The following EBF1 variants were observed in gnomAD, a reference collection of about 807,000 sequenced individuals.
The protein encoded by EBF1 is EBF transcription factor 1, also known as transcription factor COE1.
In EBF1, 10 loss-of-function variants were observed where a neutral mutation model predicts 68.4. The observed-to-expected ratio is 0.15, with a 90% CI of 0.09 to 0.25. The LOEUF is 0.25. EBF1 is among the 10% of genes least tolerant of loss of function. The pLI is 1.00. For synonymous variants in EBF1, 298 were observed against 299.8 expected (o/e 0.99, Z 0.06); for missense variants, 509 against 794.4 (o/e 0.64, Z 4.32).
chr5:158,895,455 A>G (rs1801987105), intron 6 of EBF1, among the ~76,000 whole-genome samples: 2 of 152,220 alleles, frequency 1.3e-5, no homozygotes, highest in Non-Finnish European at 2.9e-5. Context: ...ACATTTACAG[A>G]GTACTTACTA....
chr5:158,964,748 C>T (rs1260318096), intron 6 of EBF1, among the ~76,000 whole-genome samples: 1 of 152,132 alleles, frequency 6.6e-6, no homozygotes, highest in Non-Finnish European at 1.5e-5. Context: ...GGTAGAGGCC[C>T]ACGTATAACC....
At chr5:158,700,511 TAAA>T (rs76186329) in intron 15 of EBF1, among the ~76,000 whole-genome samples, 2 of 131,544 alleles carry the variant, frequency 1.5e-5, no homozygotes, top group African/African-American at 2.8e-5. Flanking sequence ...AATGTGCCTT[TAAA>T]AAAAAAAAAA....
intron 6 of EBF1, among the ~76,000 whole-genome samples, chr5:158,984,086 A>G (rs1343984127): frequency 6.6e-6 from 1 of 152,196 alleles, no homozygotes; most frequent in African/African-American, 2.4e-5. Context: ...CATACCTGGA[A>G]TCTCAAAAGA....
intron 15 of EBF1, among the ~76,000 whole-genome samples, chr5:158,701,372 A>G (rs1173727042): frequency 4.6e-5 from 7 of 152,192 alleles, no homozygotes; most frequent in Admixed American, 2.0e-4. Flanking sequence ...AAAAAAAAAA[A>G]AAAAATCTAA....
chr5:158,767,909 G>A (rs554146080), intron 10 of EBF1, among the ~76,000 whole-genome samples: 2 of 152,192 alleles, frequency 1.3e-5, no homozygotes, highest in African/African-American at 4.8e-5. Flanking sequence ...TTCAGATATC[G>A]TTAGGGTTTT....
At chr5:158,823,090 T>C (rs1582230963) in intron 8 of EBF1, 86 bp downstream of exon 8, 3 of 1,577,004 alleles carry the variant, frequency 1.9e-6, no homozygotes, top group Non-Finnish European at 2.6e-6. Context: ...TGAAACAGAA[T>C]AGAACATGTG....
At chr5:158,796,260 C>G in intron 9 of EBF1, 85 bp downstream of exon 9, 1 of 1,423,610 alleles carries the variant, frequency 7.0e-7, no homozygotes, top group Non-Finnish European at 9.3e-7. Context: ...CCACTAGAGT[C>G]TACACATTCT....
At chr5:159,027,820 G>C (rs1336918519) in intron 6 of EBF1, among the ~76,000 whole-genome samples, 1 of 152,142 alleles carries the variant, frequency 6.6e-6, no homozygotes, top group Non-Finnish European at 1.5e-5. Flanking sequence ...AGCAGGGTAG[G>C]CCACAGCTGA....
rs1810166883 is a variant in EBF1 at position 158,928,511 on chromosome 5, A to C, written c.555-88401T>G. On this transcript the variant is annotated intron_variant, in intron 6 of 15. Coordinates refer to ENST00000313708, the MANE Select transcript of EBF1 (RefSeq NM_024007.5). Reference sequence around the variant, plus strand: ...CTGCAATTACATCAAAATCACATTAATTGAGCTATAACACTGTCAGGCTTA... The same window carrying C: ...CTGCAATTACATCAAAATCACATTACTTGAGCTATAACACTGTCAGGCTTA... Among the ~76,000 whole-genome samples the C allele has an allele frequency of 2.0e-5, 3 of 152,230 alleles. No homozygotes were observed. In the South Asian group the frequency reaches 6.2e-4, roughly 31 times the overall value.
At position 158,698,298 on chromosome 5, in the gene EBF1, G is replaced by A. The variant is rs571011348; in HGVS notation, c.*813C>T. Reference sequence around the variant, plus strand: ...GCCACCAAGCTCTCGAGAGGCCATCGGCTTCAGAAGAAACTGACTTAAGTA... The same window carrying A: ...GCCACCAAGCTCTCGAGAGGCCATCAGCTTCAGAAGAAACTGACTTAAGTA... On this transcript the variant is annotated 3_prime_UTR_variant, in exon 16 of 16. Coordinates refer to ENST00000313708, the MANE Select transcript of EBF1 (RefSeq NM_024007.5). 25 of 222,000 alleles carry A rather than the reference G, an allele frequency of 1.1e-4. 1 individual carries two copies. Among genetic ancestry groups the A allele is most frequent in the African/African-American group, 5.1e-4 (23 of 44,756 alleles). 13.8% of individuals were successfully genotyped at this position (222,000 alleles called of 1,614,324 possible).
intron 6 of EBF1, among the ~76,000 whole-genome samples, chr5:159,041,791 C>T (rs1316853307): frequency 3.9e-5 from 6 of 152,110 alleles, no homozygotes; most frequent in Non-Finnish European, 8.8e-5. Flanking sequence ...ATTTTAAAGA[C>T]GCCTCCTAGA....
chr5:159,058,126 C>T (rs1270304609), intron 6 of EBF1, among the ~76,000 whole-genome samples: 2 of 152,186 alleles, frequency 1.3e-5, no homozygotes, highest in Non-Finnish European at 2.9e-5. Context: ...TTCTCATGAG[C>T]TCTGCAGATA....
chr5:158,750,927 T>G (rs1213583824), intron 10 of EBF1, among the ~76,000 whole-genome samples: 1 of 152,208 alleles, frequency 6.6e-6, no homozygotes, highest in African/African-American at 2.4e-5. Flanking sequence ...TTTCTAGCAA[T>G]AGTGAATGGA....
At chr5:158,875,092 G>A (rs1156682828) in intron 6 of EBF1, among the ~76,000 whole-genome samples, 1 of 124,212 alleles carries the variant, frequency 8.1e-6, no homozygotes, top group African/African-American at 3.2e-5. Flanking sequence ...CACACACCAG[G>A]CAGTTTTGGC....
intron 6 of EBF1, among the ~76,000 whole-genome samples, chr5:158,897,522 G>A (rs951186780): frequency 6.6e-6 from 1 of 151,768 alleles, no homozygotes; most frequent in South Asian, 2.1e-4. Flanking sequence ...CATGACACAC[G>A]TTTACCTATA....
At chr5:158,716,441 C>T (rs1158456135) in intron 11 of EBF1, among the ~76,000 whole-genome samples, 1 of 152,176 alleles carries the variant, frequency 6.6e-6, no homozygotes, top group Non-Finnish European at 1.5e-5. Context: ...GTCATCAGTA[C>T]AGCATCACTT....
At chr5:158,749,615 C>G (rs1330634919) in intron 10 of EBF1, among the ~76,000 whole-genome samples, 1 of 151,990 alleles carries the variant, frequency 6.6e-6, no homozygotes, top group East Asian at 1.9e-4. Context: ...CCTAGCAATG[C>G]CATTAGTTGT....
chr5:158,969,896 GAAAGAAAGAAAGAAAGAAAGA>G (rs1755140945), intron 6 of EBF1, among the ~76,000 whole-genome samples: 18 of 100,042 alleles, frequency 1.8e-4, no homozygotes, highest in African/African-American at 5.7e-4. Context: ...AAGAAAGAAA[GAAAGAAAGAAAGAAAGAAAGA>G]AAAAAAAAAA....
chr5:158,697,344 T>C lies in EBF1; in HGVS notation c.*1767A>G, dbSNP rs1755931089. On this transcript the variant is annotated 3_prime_UTR_variant, in exon 16 of 16. Coordinates refer to ENST00000313708, the MANE Select transcript of EBF1 (RefSeq NM_024007.5). ...ATAATACAAAAATAGACAATGACTT[T>C]TGGGTGGAAATTAAAAAAACTGAAG... 5.1e-6 allele frequency: 1 copy of C among 197,792 alleles called. No individual in the cohort carries two copies. Among genetic ancestry groups the C allele is most frequent in the African/African-American group, 2.3e-5 (1 of 43,286 alleles). 12.3% of individuals were successfully genotyped at this position (197,792 alleles called of 1,614,324 possible).
Sources: allele counts gnomAD v4.1 joint callset (sites outside exome capture counted in the v4.1 genomes callset), GRCh38; gene constraint gnomAD v4.1.1; transcripts MANE v1.5; gene names NCBI Gene and HGNC (gene_info 2026-07-23, HGNC 2026-07-21).